Variants in NKAIN3 observed in about 807,000 individuals in gnomAD.
The protein encoded by NKAIN3 is sodium/potassium-transporting ATPase subunit beta-1-interacting protein 3.
A neutral mutation model predicts 30.2 loss-of-function variants in NKAIN3; 25 were observed. The observed-to-expected ratio is 0.83, with a 90% CI of 0.60 to 1.16. The LOEUF (loss-of-function observed/expected upper bound fraction) is 1.16, where lower values mean the gene tolerates loss of function less well. Among genes scored for constraint, NKAIN3 ranks in the 50% most tolerant of loss-of-function variants. The pLI is 0.00. For synonymous variants in NKAIN3, 91 were observed against 89.6 expected, an observed-to-expected ratio of 1.02 and a Z score of -0.09; for missense variants, 225 against 254.1, an observed-to-expected ratio of 0.89 and a Z score of 0.78.
chr8:62,667,297 TAA>T (rs1225543360), intron 3 of NKAIN3, among the ~76,000 whole-genome samples: 2 of 141,700 alleles, frequency 1.4e-5, no homozygotes, highest in Non-Finnish European at 3.0e-5. Context: ...TAAAGTATAA[TAA>T]AAAATATATA....
intron 4 of NKAIN3, among the ~76,000 whole-genome samples, chr8:62,778,687 C>A (rs1328507216): frequency 6.6e-6 from 1 of 152,048 alleles, no homozygotes; most frequent in African/African-American, 2.4e-5. Flanking sequence ...CAAGTACCCA[C>A]TTTTTGCTTT....
At position 62,381,910 on chromosome 8, in the gene NKAIN3, C is replaced by A. The variant is rs577788692; in HGVS notation, c.54+132783C>A. On this transcript the variant is annotated intron_variant, in intron 1 of 6. Coordinates refer to ENST00000623646, the MANE Select transcript of NKAIN3 (RefSeq NM_001304533.3). ...TCCATCAATTCTAAGTTTAAAAGTT[C>A]TTTGGTTGGAGGAGTCAGAGTGCTG... Among the ~76,000 whole-genome samples the A allele has an allele frequency of 2.1e-4, 32 of 152,096 alleles. No homozygotes were observed. The South Asian group carries it at 2.9e-3, about 14-fold the overall frequency.
chr8:62,324,424 T>C (rs2129589646), intron 1 of NKAIN3, among the ~76,000 whole-genome samples: 1 of 152,292 alleles, frequency 6.6e-6, no homozygotes, highest in African/African-American at 2.4e-5. Flanking sequence ...TTTTATTACA[T>C]AGTCTACTTC....
intron 1 of NKAIN3, among the ~76,000 whole-genome samples, chr8:62,414,050 G>A (rs1046459660): frequency 2.0e-5 from 3 of 152,056 alleles, no homozygotes; most frequent in African/African-American, 7.2e-5. Flanking sequence ...TAAAGCTTGG[G>A]AATATCTTTT....
At chr8:62,870,187 C>A (rs1002865769) in intron 4 of NKAIN3, among the ~76,000 whole-genome samples, 38 of 44,252 alleles carry the variant, frequency 8.6e-4, no homozygotes, top group African/African-American at 3.8e-3. Context: ...TGAGCCAAGT[C>A]TCCCTAATAA....
chr8:62,456,019 AAGGATGAT>A (rs1323736920), intron 1 of NKAIN3, among the ~76,000 whole-genome samples: 1 of 152,202 alleles, frequency 6.6e-6, no homozygotes, highest in African/African-American at 2.4e-5. Flanking sequence ...TGCTGGACAA[AAGGATGAT>A]TCATGTCTCC....
chr8:62,739,734 C>T (rs917611900), intron 3 of NKAIN3, among the ~76,000 whole-genome samples: 4 of 152,130 alleles, frequency 2.6e-5, no homozygotes, highest in African/African-American at 7.2e-5. Context: ...TAACCTTTAG[C>T]TCTGACTCTT....
intron 1 of NKAIN3, among the ~76,000 whole-genome samples, chr8:62,265,254 A>T (rs915998190): frequency 2.6e-5 from 4 of 152,224 alleles, no homozygotes; most frequent in Non-Finnish European, 5.9e-5. Flanking sequence ...TCGTAAAGCC[A>T]TGAAAGTGAC....
At chr8:62,748,702 G>A (rs1207558658) in intron 4 of NKAIN3, among the ~76,000 whole-genome samples, 4 of 152,144 alleles carry the variant, frequency 2.6e-5, no homozygotes, top group Non-Finnish European at 5.9e-5. Context: ...AAAAATCAAA[G>A]ATCTTTTAGA....
chr8:62,523,351 G>T (rs1808212828), intron 1 of NKAIN3, among the ~76,000 whole-genome samples: 1 of 152,086 alleles, frequency 6.6e-6, no homozygotes, highest in South Asian at 2.1e-4. Flanking sequence ...ATATCTCATT[G>T]TTAAACAAAG....
At chr8:62,571,302 A>T (rs1033676013) in intron 1 of NKAIN3, among the ~76,000 whole-genome samples, 1 of 152,030 alleles carries the variant, frequency 6.6e-6, no homozygotes, top group African/African-American at 2.4e-5. Context: ...TGCCTGGCTA[A>T]TTTTTGTATT....
chr8:62,554,398 A>C (rs1402136563), intron 1 of NKAIN3, among the ~76,000 whole-genome samples: 2 of 152,174 alleles, frequency 1.3e-5, no homozygotes, highest in African/African-American at 4.8e-5. Flanking sequence ...TTAATGAAGC[A>C]GGAACCCCAA....
At chr8:62,537,463 C>T (rs187933339) in intron 1 of NKAIN3, among the ~76,000 whole-genome samples, 1 of 152,166 alleles carries the variant, frequency 6.6e-6, no homozygotes, top group Non-Finnish European at 1.5e-5. Context: ...AAGCATTTTA[C>T]ACTGCTGCAA....
intron 3 of NKAIN3, among the ~76,000 whole-genome samples, chr8:62,610,466 G>C (rs993944002): frequency 6.6e-6 from 1 of 152,060 alleles, no homozygotes; most frequent in African/African-American, 2.4e-5. Flanking sequence ...GATAGTAGTA[G>C]AGGTGGTGCA....
chr8:62,831,091 T>A (rs560578624), intron 4 of NKAIN3, among the ~76,000 whole-genome samples: 1 of 152,234 alleles, frequency 6.6e-6, no homozygotes, highest in African/African-American at 2.4e-5. Context: ...GCGCCATCAG[T>A]TGGCCTGTAG....
At chr8:62,707,662 C>T (rs1814578355) in intron 3 of NKAIN3, among the ~76,000 whole-genome samples, 1 of 151,976 alleles carries the variant, frequency 6.6e-6, no homozygotes, top group Non-Finnish European at 1.5e-5. Flanking sequence ...AGATTTTCTC[C>T]CACTCTTTGG....
chr8:62,634,295 C>T (rs373610864), intron 3 of NKAIN3, among the ~76,000 whole-genome samples: 7 of 152,082 alleles, frequency 4.6e-5, no homozygotes, highest in South Asian at 2.1e-4. Flanking sequence ...AGTGCCTAAG[C>T]GACCACCTGC....
At chr8:62,554,986 A>G (rs921037098) in intron 1 of NKAIN3, among the ~76,000 whole-genome samples, 6 of 149,808 alleles carry the variant, frequency 4.0e-5, no homozygotes, top group Admixed American at 1.3e-4. Context: ...AGGTTCATCT[A>G]TGCTGTCACA....
intron 1 of NKAIN3, among the ~76,000 whole-genome samples, chr8:62,456,506 G>A (rs919572707): frequency 1.3e-5 from 2 of 150,182 alleles, no homozygotes; most frequent in Admixed American, 6.7e-5. Context: ...GCGACAGAGC[G>A]AGACTCCGTC....
Sources: allele counts gnomAD v4.1 joint callset (sites outside exome capture counted in the v4.1 genomes callset), GRCh38; gene constraint gnomAD v4.1.1; transcripts MANE v1.5; gene names NCBI Gene and HGNC (gene_info 2026-07-23, HGNC 2026-07-21).